Variants in LOC128462377 observed in about 807,000 individuals in gnomAD.
At chr16:89,385,003 A>G in the LOC128462377 span, among the ~76,000 whole-genome samples, 119 of 139,898 alleles carry the variant, frequency 8.5e-4, no homozygotes, top group African/African-American at 3.1e-3. Context: ...CTCCTGACTC[A>G]GCCTCCCAAG....
the LOC128462377 span, among the ~76,000 whole-genome samples, chr16:89,388,081 T>G: frequency 6.6e-6 from 1 of 151,824 alleles, no homozygotes; most frequent in South Asian, 2.1e-4. Flanking sequence ...TACAAAAAAG[T>G]TGCAAAAATA....
At chr16:89,415,850 AC>A in the LOC128462377 span, among the ~76,000 whole-genome samples, 18 of 147,476 alleles carry the variant, frequency 1.2e-4, 1 homozygote, top group Admixed American at 1.0e-3. Context: ...AAAAAAAAAA[AC>A]AATGGAGAAC....
chr16:89,324,062 G>GGGTGGTCTCCATCTCTTGACCTC, the LOC128462377 span: 1 of 265,912 alleles, frequency 3.8e-6, no homozygotes, highest in Non-Finnish European at 7.2e-6. Flanking sequence ...ATGTTGGCCA[G>GGGTGGTCTCCATCTCTTGACCTC]GGTGGTCTCC....
At chr16:89,368,608 TA>T in the LOC128462377 span, among the ~76,000 whole-genome samples, 2,871 of 131,542 alleles carry the variant, frequency 0.022, 32 homozygotes, top group African/African-American at 0.045. Flanking sequence ...ACGCAGCTCT[TA>T]AAAAAAAAAA....
At chr16:89,336,854 G>A in the LOC128462377 span, among the ~76,000 whole-genome samples, 5 of 151,982 alleles carry the variant, frequency 3.3e-5, no homozygotes, top group African/African-American at 4.8e-5. Flanking sequence ...GGCCGGGCGC[G>A]GTGGCTCACG....
the LOC128462377 span, among the ~76,000 whole-genome samples, chr16:89,388,146 A>G: frequency 2.0e-5 from 3 of 152,138 alleles, no homozygotes; most frequent in Admixed American, 1.3e-4. Flanking sequence ...CATCATACAT[A>G]AACATAACCA....
At chr16:89,410,246 AC>A in the LOC128462377 span, among the ~76,000 whole-genome samples, 1 of 152,130 alleles carries the variant, frequency 6.6e-6, no homozygotes, top group Non-Finnish European at 1.5e-5. Flanking sequence ...TTTGAGTGTC[AC>A]CTAAAGCCTC....
At chr16:89,360,106 T>C in the LOC128462377 span, among the ~76,000 whole-genome samples, 1 of 152,144 alleles carries the variant, frequency 6.6e-6, no homozygotes, top group Non-Finnish European at 1.5e-5. Flanking sequence ...CTTCCCTGTG[T>C]TTTTAAGTTC....
chr16:89,358,186 C>T, the LOC128462377 span, among the ~76,000 whole-genome samples: 2 of 152,202 alleles, frequency 1.3e-5, no homozygotes, highest in African/African-American at 2.4e-5. Context: ...CCACCACGTG[C>T]GGGCAGACAC....
the LOC128462377 span, among the ~76,000 whole-genome samples, chr16:89,335,152 G>A: frequency 6.6e-6 from 1 of 152,224 alleles, no homozygotes; most frequent in Non-Finnish European, 1.5e-5. Context: ...TGTCCGGCCT[G>A]TGGGGGCACT....
the LOC128462377 span, among the ~76,000 whole-genome samples, chr16:89,367,529 G>A: frequency 2.0e-5 from 3 of 152,134 alleles, no homozygotes; most frequent in Non-Finnish European, 4.4e-5. Flanking sequence ...CTTAGGCCAC[G>A]GCACACACCA....
At chr16:89,383,576 G>C in the LOC128462377 span, among the ~76,000 whole-genome samples, 1 of 152,372 alleles carries the variant, frequency 6.6e-6, no homozygotes, top group South Asian at 2.1e-4. Flanking sequence ...AGCACGGCCA[G>C]GAATGGCCAA....
chr16:89,413,165 A>C, the LOC128462377 span, among the ~76,000 whole-genome samples: 1 of 152,250 alleles, frequency 6.6e-6, no homozygotes, highest in African/African-American at 2.4e-5. Flanking sequence ...AAGTTACTGC[A>C]GTTTAAAGAT....
the LOC128462377 span, among the ~76,000 whole-genome samples, chr16:89,385,008 C>T: frequency 2.7e-5 from 4 of 147,764 alleles, no homozygotes; most frequent in East Asian, 8.2e-4. Context: ...GACTCAGCCT[C>T]CCAAGTAGCT....
chr16:89,353,350 A>AAGAG, the LOC128462377 span, among the ~76,000 whole-genome samples: 614 of 149,552 alleles, frequency 4.1e-3, 1 homozygote, highest in African/African-American at 0.011. Flanking sequence ...TCCAAAAAAA[A>AAGAG]AGAGAGAGAG....
the LOC128462377 span, among the ~76,000 whole-genome samples, chr16:89,348,211 C>CA: frequency 1.3e-5 from 2 of 152,178 alleles, no homozygotes; most frequent in African/African-American, 4.8e-5. Flanking sequence ...GGATTACAGG[C>CA]ATGAGCCACC....
the LOC128462377 span, among the ~76,000 whole-genome samples, chr16:89,396,384 G>T: frequency 6.6e-6 from 1 of 152,110 alleles, no homozygotes; most frequent in African/African-American, 2.4e-5. Flanking sequence ...CGCACTCGCC[G>T]CAAGAGAGAC....
the LOC128462377 span, among the ~76,000 whole-genome samples, chr16:89,408,621 C>T: frequency 6.6e-6 from 1 of 152,168 alleles, no homozygotes; most frequent in African/African-American, 2.4e-5. Context: ...TGAAAGACGT[C>T]CCAGCCGTGC....
the LOC128462377 span, among the ~76,000 whole-genome samples, chr16:89,337,274 CG>C: frequency 6.6e-6 from 1 of 152,004 alleles, no homozygotes; most frequent in East Asian, 1.9e-4. Flanking sequence ...CCCAAGGAAA[CG>C]TCAGAAAGGA....
Sources: allele counts gnomAD v4.1 joint callset (sites outside exome capture counted in the v4.1 genomes callset), GRCh38; gene constraint gnomAD v4.1.1; transcripts MANE v1.5.